Variants in FAM227A observed in about 807,000 individuals in gnomAD.
FAM227A encodes the protein family with sequence similarity 227 member A.
A neutral mutation model predicts 74.7 loss-of-function variants in FAM227A; 80 were observed. That is an observed-to-expected ratio of 1.07 (90% CI 0.89 to 1.29). The LOEUF (loss-of-function observed/expected upper bound fraction) is 1.29. Ranked by LOEUF, FAM227A falls within the 50% of genes most tolerant of loss-of-function variation. FAM227A has a pLI of 0.00. For synonymous variants in FAM227A, 237 were observed against 241.8 expected, an observed-to-expected ratio of 0.98 and a Z score of 0.19; for missense variants, 654 against 683.4, an observed-to-expected ratio of 0.96 and a Z score of 0.48.
chr22:38,647,629 C>G, intron 2 of FAM227A, among the ~76,000 whole-genome samples: 1 of 152,074 alleles, frequency 6.6e-6, no homozygotes, highest in African/African-American at 2.4e-5. Context: ...CTGTTCAGTT[C>G]TATGGCCCCT....
At chr22:38,613,272 T>TTATATATAA (rs2091480726) in intron 11 of FAM227A, among the ~76,000 whole-genome samples, 1 of 72,666 alleles carries the variant, frequency 1.4e-5, no homozygotes, top group African/African-American at 6.0e-5. Flanking sequence ...ATAACATATA[T>TTATATATAA]TATATATCAT....
rs1375177089 is a variant in FAM227A at position 38,585,852 on chromosome 22, GGT to G, written c.*271_*272del. On this transcript the variant is annotated 3_prime_UTR_variant, in exon 17 of 17. Transcript: ENST00000535113. ...GTATGAAAGTTTTACCTTTGTATGA[GGT>G]CATATTTGTAACATACTTACCAGCA... 2.3e-5 allele frequency: 15 copies of G among 665,508 alleles called. No homozygotes were observed. The highest frequency in any genetic ancestry group is 3.6e-5 in the African/African-American group (2 of 55,220). 41.2% of individuals were successfully genotyped at this position (665,508 alleles called of 1,614,324 possible).
In FAM227A at chr22:38,635,894, G is replaced by C. The variant is rs118175402; in HGVS notation, c.519+557C>G. On this transcript the variant is annotated intron_variant, in intron 6 of 16. Coordinates refer to ENST00000535113, the MANE Select transcript of FAM227A (RefSeq NM_001013647.2). The stretch of plus-strand genomic sequence containing the variant: ...TGGTGCATGCTATTCAGGAGGTTGA[G>C]GCGGGAGGATCACCTGAGTCTGGGA... Among the ~76,000 whole-genome samples, 155 of 152,196 alleles carry C rather than the reference G, an allele frequency of 1.0e-3. 3 individuals carry two copies. In the East Asian group the frequency reaches 0.027, roughly 27 times the overall value.
In FAM227A at chr22:38,591,571, A is replaced by G. The variant is rs766342970; in HGVS notation, c.1533-31T>C. The G allele has an allele frequency of 2.5e-5, 37 of 1,469,506 alleles. No homozygotes were observed. The African/African-American group carries it at 4.8e-4, about 19-fold the overall frequency. 91.0% of individuals were successfully genotyped at this position (1,469,506 alleles called of 1,614,324 possible). Reference sequence around the variant, plus strand: ...AGGAAAACACAGAGACATATGGAAAAAGGCTGGAGTGATTAACATGTCCTC... The same window carrying G: ...AGGAAAACACAGAGACATATGGAAAGAGGCTGGAGTGATTAACATGTCCTC... On this transcript the variant is annotated intron_variant, in intron 15 of 16. Transcript: ENST00000535113.
chr22:38,587,823 A>G (rs2090841708), intron 16 of FAM227A, among the ~76,000 whole-genome samples: 2 of 152,262 alleles, frequency 1.3e-5, no homozygotes, highest in Admixed American at 1.3e-4. Context: ...AAATGCAGAG[A>G]TCTTCAACAA....
chr22:38,638,474 C>T (rs896782238), intron 5 of FAM227A, among the ~76,000 whole-genome samples: 2 of 152,212 alleles, frequency 1.3e-5, no homozygotes, highest in Admixed American at 6.5e-5. Flanking sequence ...GGCACAGTGG[C>T]TCTGGATTAG....
At chr22:38,651,276 A>C (rs1440084601) in intron 1 of FAM227A, among the ~76,000 whole-genome samples, 1 of 152,216 alleles carries the variant, frequency 6.6e-6, no homozygotes, top group East Asian at 1.9e-4. Flanking sequence ...CACAGGACTC[A>C]CAATAGTGAA....
At chr22:38,646,371 T>A (rs2092239635) in intron 2 of FAM227A, among the ~76,000 whole-genome samples, 1 of 142,072 alleles carries the variant, frequency 7.0e-6, no homozygotes, top group South Asian at 2.4e-4. Context: ...GCCATTCTCC[T>A]GCCTCAGCCT....
At chr22:38,611,039 G>A (rs1316505702) in intron 11 of FAM227A, among the ~76,000 whole-genome samples, 1 of 152,100 alleles carries the variant, frequency 6.6e-6, no homozygotes. Context: ...CAGCCTGGGT[G>A]ACAGGGCAAG....
At chr22:38,636,742 C>A in intron 5 of FAM227A, 145 bp from the exon 6 acceptor site, 1 of 640,642 alleles carries the variant, frequency 1.6e-6, no homozygotes, top group Non-Finnish European at 2.5e-6. Context: ...ATCCTAGGAC[C>A]CCTTCCAAAC....
At chr22:38,625,111 C>T (rs751306368) in intron 9 of FAM227A, among the ~76,000 whole-genome samples, 6 of 151,980 alleles carry the variant, frequency 3.9e-5, no homozygotes, top group South Asian at 2.1e-4. Context: ...AGACATCTGC[C>T]GGGTATGGTG....
intron 6 of FAM227A, among the ~76,000 whole-genome samples, chr22:38,632,648 G>C (rs1030519888): frequency 2.0e-5 from 3 of 152,184 alleles, no homozygotes. Context: ...AGAGACGACA[G>C]AGAGTAGAAG....
intron 2 of FAM227A, among the ~76,000 whole-genome samples, chr22:38,646,463 C>T (rs984378626): frequency 1.9e-4 from 29 of 150,492 alleles, no homozygotes; most frequent in African/African-American, 6.1e-4. Flanking sequence ...GGGGTTTCAC[C>T]GTTTTAGCTG....
In FAM227A at chr22:38,582,264, GTA is replaced by G; in HGVS notation, c.*3859_*3860del. 2 of 1,392,168 alleles carry G rather than the reference GTA, an allele frequency of 1.4e-6. No homozygotes were observed. The highest frequency in any genetic ancestry group is 2.0e-6 in the Non-Finnish European group (2 of 1,014,112). 86.2% of individuals were successfully genotyped at this position (1,392,168 alleles called of 1,614,324 possible). A position where few individuals can be genotyped will look rare whatever the true frequency, so the allele number is the denominator to read the frequency against. ...TATCCCTCCTGTTCTTCAGGAAACTGTATGTTCTAAAACATACATTTCATCAT... is the reference window on the plus strand; with the variant it reads ...TATCCCTCCTGTTCTTCAGGAAACTGTGTTCTAAAACATACATTTCATCAT... On this transcript the variant is annotated 3_prime_UTR_variant, in exon 17 of 17. Transcript: ENST00000535113.
intron 3 of FAM227A, among the ~76,000 whole-genome samples, chr22:38,640,725 C>A (rs1392965294): frequency 1.3e-5 from 2 of 152,184 alleles, no homozygotes; most frequent in Non-Finnish European, 2.9e-5. Context: ...GTGAGGTCAA[C>A]GTGGGCCAGA....
intron 2 of FAM227A, 42 bp downstream of exon 2, chr22:38,649,985 G>T: frequency 2.6e-6 from 4 of 1,542,874 alleles, no homozygotes; most frequent in Middle Eastern, 1.7e-4. Context: ...CTCAAGTTAG[G>T]TGTATTTGGT....
intron 10 of FAM227A, among the ~76,000 whole-genome samples, chr22:38,621,007 C>T (rs2091677763): frequency 1.3e-5 from 2 of 151,578 alleles, no homozygotes; most frequent in South Asian, 4.2e-4. Flanking sequence ...TAAACTCAAG[C>T]AATTTATGGG....
Position 38,580,541 on chromosome 22 carries a change from TAATC to T in FAM227A, c.*5580_*5583del, listed in dbSNP as rs1185831513. 6.6e-6 allele frequency: 1 copy of T among 152,216 alleles called. No individual in the cohort carries two copies. Among genetic ancestry groups the T allele is most frequent in the Non-Finnish European group, 1.5e-5 (1 of 68,030 alleles). The allele number at this position is 152,216 out of a possible 1,614,324, so 9.4% of individuals were successfully genotyped here. A position where few individuals can be genotyped will look rare whatever the true frequency, so the allele number is the denominator to read the frequency against. On this transcript the variant is annotated 3_prime_UTR_variant, in exon 17 of 17. Coordinates refer to ENST00000535113, the MANE Select transcript of FAM227A (RefSeq NM_001013647.2). ...CTTTTGTGATGTAAGCAGCCATGGA[TAATC>T]AACCTAGATCCATTAATTCATTAGG...
intron 3 of FAM227A, among the ~76,000 whole-genome samples, chr22:38,644,070 C>G (rs949067791): frequency 7.1e-6 from 1 of 141,698 alleles, no homozygotes; most frequent in African/African-American, 2.7e-5. Flanking sequence ...GGTGTGAACC[C>G]GGGAGGCAGA....
Sources: allele counts gnomAD v4.1 joint callset (sites outside exome capture counted in the v4.1 genomes callset), GRCh38; gene constraint gnomAD v4.1.1; transcripts MANE v1.5; gene names NCBI Gene and HGNC (gene_info 2026-07-23, HGNC 2026-07-21).